OXR1: variants seen among roughly 807,000 people sequenced by gnomAD.
The protein encoded by OXR1 is oxidation resistance protein 1.
In OXR1, 41 loss-of-function variants were observed where a neutral mutation model predicts 104.6. The observed-to-expected ratio is 0.39, with a 90% CI of 0.31 to 0.51. The LOEUF (loss-of-function observed/expected upper bound fraction) is 0.51. Ranked by LOEUF, OXR1 falls within the 20% of genes least tolerant of loss-of-function variation. The pLI, the probability that OXR1 is intolerant of heterozygous loss-of-function variation, is 0.77. For missense variants in OXR1, 955 were observed against 1,031.9 expected (o/e 0.93, Z 1.02); for synonymous variants, 348 against 348.4 (o/e 1.00, Z 0.01).
At chr8:106,460,423 A>C (rs191929484) in intron 2 of OXR1, among the ~76,000 whole-genome samples, 119 of 152,294 alleles carry the variant, frequency 7.8e-4, no homozygotes, top group Middle Eastern at 3.4e-3. Context: ...AATGATGTGG[A>C]TTCTAATGAG....
At chr8:106,617,224 A>G (rs1038158801) in intron 3 of OXR1, among the ~76,000 whole-genome samples, 1 of 152,190 alleles carries the variant, frequency 6.6e-6, no homozygotes, top group African/African-American at 2.4e-5. Context: ...GGAGTTCAAG[A>G]CCAGCACTGA....
chr8:106,414,005 G>T (rs1457913302), intron 2 of OXR1, among the ~76,000 whole-genome samples: 1 of 152,128 alleles, frequency 6.6e-6, no homozygotes, highest in Non-Finnish European at 1.5e-5. Flanking sequence ...TGGGATTACA[G>T]ACGTGAGCCA....
At chr8:106,529,261 A>G (rs557458049) in intron 3 of OXR1, among the ~76,000 whole-genome samples, 1 of 152,134 alleles carries the variant, frequency 6.6e-6, no homozygotes, top group Non-Finnish European at 1.5e-5. Flanking sequence ...GACAGTCTAC[A>G]TCTCCATGTG....
At chr8:106,743,392 G>C (rs1300497189) in intron 15 of OXR1, among the ~76,000 whole-genome samples, 3 of 152,226 alleles carry the variant, frequency 2.0e-5, no homozygotes, top group Admixed American at 1.3e-4. Flanking sequence ...CATGATCTCA[G>C]CTCAGTGCAG....
chr8:106,547,079 C>T (rs1815415769), intron 3 of OXR1, among the ~76,000 whole-genome samples: 1 of 152,044 alleles, frequency 6.6e-6, no homozygotes, highest in South Asian at 2.1e-4. Flanking sequence ...TTAGTAGAGA[C>T]CGGGTTTCAC....
At chr8:106,370,578 A>G (rs983957940) in intron 2 of OXR1, among the ~76,000 whole-genome samples, 1 of 152,188 alleles carries the variant, frequency 6.6e-6, no homozygotes, top group Non-Finnish European at 1.5e-5. Flanking sequence ...TTCCATCAAT[A>G]CCTAGTTTAT....
intron 7 of OXR1, 98 bp from the exon 8 acceptor site, chr8:106,702,808 A>G (rs534178843): frequency 1.1e-5 from 10 of 885,266 alleles, no homozygotes; most frequent in Non-Finnish European, 1.5e-5. Context: ...CTATTTTTAT[A>G]TATGGCCTAA....
intron 3 of OXR1, among the ~76,000 whole-genome samples, chr8:106,552,914 C>G (rs1815960784): frequency 1.3e-5 from 2 of 152,176 alleles, no homozygotes; most frequent in Non-Finnish European, 2.9e-5. Flanking sequence ...TCGATGATTT[C>G]AACTTGTCTC....
chr8:106,626,233 A>G (rs1230907340), intron 3 of OXR1, among the ~76,000 whole-genome samples: 5 of 151,892 alleles, frequency 3.3e-5, no homozygotes, highest in South Asian at 4.1e-4. Flanking sequence ...TTAAAAAGAT[A>G]TTATATAGAA....
At chr8:106,501,947 A>G (rs1330074330) in intron 2 of OXR1, among the ~76,000 whole-genome samples, 2 of 152,224 alleles carry the variant, frequency 1.3e-5, no homozygotes, top group Non-Finnish European at 2.9e-5. Flanking sequence ...ATCTCAATTC[A>G]TAATCTATAG....
In OXR1 at chr8:106,583,781, G is replaced by A. The variant is rs116552738; in HGVS notation, c.220+64642G>A. On this transcript the variant is annotated intron_variant, in intron 3 of 16. Transcript: ENST00000517566. ...AAAGATAAAGCTAAAGTATCTTTTC[G>A]AAAAGCAGATTGACCTAGGAGAGAA... Among the ~76,000 whole-genome samples, 1,324 of 152,176 alleles carry A rather than the reference G, an allele frequency of 8.7e-3. 19 individuals are homozygous for A. Among genetic ancestry groups the A allele is most frequent in the African/African-American group, 0.029 (1,212 of 41,544 alleles).
chr8:106,452,101 A>G (rs1181265734), intron 2 of OXR1, among the ~76,000 whole-genome samples: 1 of 152,188 alleles, frequency 6.6e-6, no homozygotes, highest in African/African-American at 2.4e-5. Context: ...CTCCATCTGC[A>G]TTTGGTTTCT....
At chr8:106,736,165 AC>A (rs5893803) in intron 11 of OXR1, among the ~76,000 whole-genome samples, 70,714 of 145,732 alleles carry the variant, frequency 0.49, 18,490 homozygotes, top group African/African-American at 0.7. Context: ...TTTATCTGAC[AC>A]CCCCCCCCAT....
intron 2 of OXR1, among the ~76,000 whole-genome samples, chr8:106,500,345 C>A (rs1411285486): frequency 6.6e-6 from 1 of 152,232 alleles, no homozygotes; most frequent in Non-Finnish European, 1.5e-5. Context: ...AAAATCAACT[C>A]ATGACTTAGA....
At chr8:106,413,622 A>G (rs1295295103) in intron 2 of OXR1, among the ~76,000 whole-genome samples, 3 of 152,118 alleles carry the variant, frequency 2.0e-5, no homozygotes, top group Non-Finnish European at 4.4e-5. Context: ...TCTTAATTGT[A>G]CGCTTTCTAG....
intron 6 of OXR1, among the ~76,000 whole-genome samples, chr8:106,686,287 T>TA (rs34055157): frequency 1.4e-5 from 2 of 144,742 alleles, no homozygotes; most frequent in Non-Finnish European, 1.5e-5. Flanking sequence ...GGAAAATAAT[T>TA]AAAAAAAAAA....
At chr8:106,339,519 A>AATAT (rs756741127) in intron 1 of OXR1, among the ~76,000 whole-genome samples, 454 of 33,108 alleles carry the variant, frequency 0.014, 3 homozygotes, top group Middle Eastern at 0.056. Flanking sequence ...AAAAAAAAAA[A>AATAT]ATATATATAT....
chr8:106,314,628 G>A (rs1813850467), intron 1 of OXR1, among the ~76,000 whole-genome samples: 1 of 152,188 alleles, frequency 6.6e-6, no homozygotes, highest in African/African-American at 2.4e-5. Flanking sequence ...AAATGATGTT[G>A]AGATTGTGGT....
intron 2 of OXR1, among the ~76,000 whole-genome samples, chr8:106,504,745 T>G (rs553582470): frequency 1.3e-5 from 2 of 152,360 alleles, no homozygotes; most frequent in South Asian, 2.1e-4. Flanking sequence ...AATATACTAA[T>G]GAGGATTGAA....
Sources: allele counts gnomAD v4.1 joint callset (sites outside exome capture counted in the v4.1 genomes callset), GRCh38; gene constraint gnomAD v4.1.1; transcripts MANE v1.5; gene names NCBI Gene and HGNC (gene_info 2026-07-23, HGNC 2026-07-21).